MYOM1: variants seen among roughly 807,000 people sequenced by gnomAD.
The protein encoded by MYOM1 is myomesin-1.
Under a neutral mutation model 205.3 loss-of-function variants are expected in MYOM1, and 164 were observed. The ratio of observed to expected loss-of-function variants is 0.80; its 90% confidence interval spans 0.70 to 0.91. MYOM1 has a LOEUF of 0.91. MYOM1 is among the 40% of genes least tolerant of loss of function. The pLI is 0.00. For synonymous variants in MYOM1, 772 were observed against 789.4 expected (o/e 0.98, Z 0.37); for missense variants, 2,011 against 2,127.3 (o/e 0.95, Z 1.08).
chr18:3,164,144 A>T, intron 10 of MYOM1, 134 bp downstream of exon 10: 1 of 996,382 alleles, frequency 1.0e-6, no homozygotes, highest in Non-Finnish European at 1.5e-6. Flanking sequence ...GGCGTGAGAC[A>T]TTGCACCCTG....
At position 3,071,968 on chromosome 18, in the gene MYOM1, A is replaced by G. The variant is rs888318759; in HGVS notation, c.4709-79T>C. On this transcript the variant is annotated intron_variant, in intron 36 of 37. Transcript: ENST00000356443. ...TACTCACAAAACCACCCAGGAAGCTACATTTCCAATTTAGTTTCCTTCTCC... is the reference window on the plus strand; with the variant it reads ...TACTCACAAAACCACCCAGGAAGCTGCATTTCCAATTTAGTTTCCTTCTCC... 3.2e-6 allele frequency: 4 copies of G among 1,260,450 alleles called. No homozygotes were observed. In the Admixed American group the frequency reaches 7.9e-5, roughly 25 times the overall value. The allele number at this position is 1,260,450 out of a possible 1,614,324, so 78.1% of individuals were successfully genotyped here.
Position 3,202,613 on chromosome 18 carries a change from A to T in MYOM1, c.291-8655T>A, listed in dbSNP as rs72861632. On this transcript the variant is annotated intron_variant, in intron 2 of 37. Transcript: ENST00000356443. ...AAAATGGTCAATTTCTAAGAAAAGC[A>T]TAATTGTAAATGTATATACACCTAA... is the stretch of plus-strand genomic sequence containing the variant. Among the ~76,000 whole-genome samples, 4 of 152,298 alleles carry T rather than the reference A, an allele frequency of 2.6e-5. No homozygotes were observed. In the South Asian group the frequency reaches 8.3e-4, roughly 32 times the overall value.
rs536386642 is a variant in MYOM1, at chr18:3,136,140, G to A, written c.2026-410C>T. ...CTCTCCTTCTGTCTTGCCTGCCACC[G>A]TGTAAGACGTGCCTTTCGCCTTCCA... On this transcript the variant is annotated intron_variant, in intron 14 of 37. Coordinates refer to ENST00000356443, the MANE Select transcript of MYOM1 (RefSeq NM_003803.4). Among the ~76,000 whole-genome samples the A allele has an allele frequency of 1.7e-3, 257 of 151,836 alleles. 1 individual carries two copies. The highest frequency in any genetic ancestry group is 2.1e-3 in the African/African-American group (88 of 41,376).
the MYOM1 span, among the ~76,000 whole-genome samples, chr18:3,226,618 G>A: frequency 9.2e-5 from 14 of 152,098 alleles, no homozygotes; most frequent in African/African-American, 3.1e-4. The surrounding 1 kb of genome is among the most constrained non-coding windows in gnomAD (Gnocchi z 4.6). Context: ...ATCTCCTTCC[G>A]GGAGACTTCC....
intron 19 of MYOM1, among the ~76,000 whole-genome samples, chr18:3,125,593 G>T (rs1375677734): frequency 6.7e-6 from 1 of 149,916 alleles, no homozygotes; most frequent in East Asian, 2.0e-4. Context: ...TTTGTTTTAC[G>T]CATTCTCAGC....
At chr18:3,087,438 C>G (rs2079166511) in intron 29 of MYOM1, among the ~76,000 whole-genome samples, 1 of 151,248 alleles carries the variant, frequency 6.6e-6, no homozygotes, top group Non-Finnish European at 1.5e-5. Flanking sequence ...CATGTGGACT[C>G]CTGAGGGAGA....
intron 5 of MYOM1, among the ~76,000 whole-genome samples, chr18:3,184,981 G>A (rs1289589879): frequency 1.3e-5 from 2 of 152,208 alleles, no homozygotes; most frequent in African/African-American, 4.8e-5. Context: ...CAACTCTACT[G>A]CTTCTTAGCT....
Position 3,126,901 on chromosome 18 carries a change from T to C in MYOM1, c.2795-4A>G, listed in dbSNP as rs1185378344. On this transcript the variant is annotated splice_region_variant and splice_polypyrimidine_tract_variant and intron_variant, in intron 18 of 37. Transcript: ENST00000356443. ...TCACAGGGTGGAGATGGTGGTGCTG[T>C]AGCAATATGAATAGCTTGTGAGTAG... is the stretch of plus-strand genomic sequence containing the variant. The C allele has an allele frequency of 8.7e-6, 14 of 1,604,244 alleles. No individual in the cohort carries two copies. Among genetic ancestry groups the C allele is most frequent in the Non-Finnish European group, 1.2e-5 (14 of 1,175,020 alleles).
chr18:3,068,145 C>T (rs2078919180), intron 37 of MYOM1, among the ~76,000 whole-genome samples: 1 of 152,084 alleles, frequency 6.6e-6, no homozygotes, highest in Non-Finnish European at 1.5e-5. Flanking sequence ...GTGCTGAAAC[C>T]TTATTCTAAA....
At chr18:3,223,289 C>T (rs1352613874), upstream of MYOM1, among the ~76,000 whole-genome samples, 1 of 152,154 alleles carries the variant, frequency 6.6e-6, no homozygotes, top group African/African-American at 2.4e-5. Flanking sequence ...AGCAAATAGT[C>T]ATTAAATATT....
chr18:3,201,167 AG>A (rs1436061345), intron 2 of MYOM1, among the ~76,000 whole-genome samples: 6 of 152,200 alleles, frequency 3.9e-5, no homozygotes, highest in African/African-American at 1.4e-4. Flanking sequence ...GGGAGGCTGA[AG>A]GGGGTGCATC....
rs903106358 is a variant in MYOM1 at position 3,119,800 on chromosome 18, A to AT, written c.3118+68dup. ...TTGACCATATAGTACTTTGAATTTC[A>AT]TTCCAGGTTGTAGGTTCTCTTGGAG... is the stretch of plus-strand genomic sequence containing the variant. On this transcript the variant is annotated intron_variant, in intron 20 of 37. Transcript: ENST00000356443. 30 of 1,539,544 alleles carry AT rather than the reference A, an allele frequency of 1.9e-5. No homozygotes were observed. In the African/African-American group the frequency reaches 3.4e-4, roughly 18 times the overall value.
chr18:3,153,675 T>C (rs913079952), intron 11 of MYOM1, among the ~76,000 whole-genome samples: 2 of 152,226 alleles, frequency 1.3e-5, no homozygotes, highest in African/African-American at 4.8e-5. Flanking sequence ...TTAAATAGTA[T>C]ATAATTTATT....
At chr18:3,072,695 T>C (rs1410803763) in intron 36 of MYOM1, among the ~76,000 whole-genome samples, 2 of 151,352 alleles carry the variant, frequency 1.3e-5, no homozygotes, top group African/African-American at 4.9e-5. Context: ...ATATTGTGTG[T>C]GTGTGGGGGG....
intron 8 of MYOM1, among the ~76,000 whole-genome samples, chr18:3,169,937 A>G (rs2080531824): frequency 6.6e-6 from 1 of 152,206 alleles, no homozygotes; most frequent in Non-Finnish European, 1.5e-5. Flanking sequence ...AACGTGGTAC[A>G]TATACTCAAT....
rs542845454 is a variant in MYOM1, at chr18:3,197,159, C to T, written c.291-3201G>A. ...TCCTTTTTTTTTTTTTTTTTTGAGA[C>T]GGAGTCTCACTCTGTCACCCAGGCT... On this transcript the variant is annotated intron_variant, in intron 2 of 37. Coordinates refer to ENST00000356443, the MANE Select transcript of MYOM1 (RefSeq NM_003803.4). 1.9e-3 allele frequency among the ~76,000 whole-genome samples: 269 copies of T among 140,762 alleles called. 5 individuals carry two copies. Among genetic ancestry groups the T allele is most frequent in the Non-Finnish European group, 4.4e-4 (29 of 65,904 alleles). 92.3% of individuals were successfully genotyped at this position (140,762 alleles called of 152,430 possible).
the MYOM1 span, among the ~76,000 whole-genome samples, chr18:3,237,598 CAA>C: frequency 0.02 from 1,093 of 53,552 alleles, 6 homozygotes; most frequent in African/African-American, 0.07. Flanking sequence ...GACTCCGTCT[CAA>C]AAAAAAAAAA....
At chr18:3,239,156 G>C in the MYOM1 span, among the ~76,000 whole-genome samples, 5 of 152,302 alleles carry the variant, frequency 3.3e-5, no homozygotes, top group African/African-American at 1.2e-4. Flanking sequence ...CATGTTGATG[G>C]GGATACTCCA....
At chr18:3,202,847 G>A (rs2081084634) in intron 2 of MYOM1, among the ~76,000 whole-genome samples, 1 of 151,946 alleles carries the variant, frequency 6.6e-6, no homozygotes, top group African/African-American at 2.4e-5. Context: ...ACCCAAGGAC[G>A]ACAGAATACT....
Sources: allele counts gnomAD v4.1 joint callset (sites outside exome capture counted in the v4.1 genomes callset), GRCh38; gene constraint gnomAD v4.1.1; non-coding constraint Gnocchi (gnomAD v3.1); transcripts MANE v1.5; gene names NCBI Gene and HGNC (gene_info 2026-07-23, HGNC 2026-07-21).